WIPF2: variants seen among roughly 807,000 people sequenced by gnomAD.
The protein encoded by WIPF2 is WAS/WASL-interacting protein family member 2.
Under a neutral mutation model 38.8 loss-of-function variants are expected in WIPF2, and 23 were observed. That is an observed-to-expected ratio of 0.59 (90% CI 0.43 to 0.84). The LOEUF (loss-of-function observed/expected upper bound fraction) is 0.84, where lower values mean the gene tolerates loss of function less well. Among genes scored for constraint, WIPF2 ranks in the 40% least tolerant of loss-of-function variants. The pLI is 0.00. For missense variants in WIPF2, 574 were observed against 580.5 expected, an observed-to-expected ratio of 0.99 and a Z score of 0.11; for synonymous variants, 210 against 223.2, an observed-to-expected ratio of 0.94 and a Z score of 0.53.
intron 1 of WIPF2, among the ~76,000 whole-genome samples, chr17:40,254,533 T>C (rs1332452768): frequency 3.3e-5 from 5 of 152,110 alleles, no homozygotes; most frequent in Non-Finnish European, 1.5e-5. Context: ...CTGGTTTTAG[T>C]CTGATCTGTA....
Position 40,273,942 on chromosome 17 carries a change from C to A in WIPF2, c.1123C>A (p.Pro375Thr). 1.3e-6 allele frequency: 2 copies of A among 1,592,024 alleles called. No homozygotes were observed. Among genetic ancestry groups the A allele is most frequent in the Admixed American group, 1.7e-5 (1 of 57,516 alleles). ...GCCAGCTGGGCCACCCCCTCCTCCT[C>A]CACCGCCCCTGAGGAATGGCCACAG... The part of the protein sequence containing the change: ...RTPAGPPPPP[P>T]PPLRNGHRDS... Residue 375 changes from proline to threonine, a missense_variant, in exon 6 of 8, where the codon CCA becomes ACA. Pro to Thr is a conservative substitution (Grantham distance 38, BLOSUM62 -1). Coordinates refer to ENST00000323571, the MANE Select transcript of WIPF2 (RefSeq NM_133264.5).
intron 1 of WIPF2, among the ~76,000 whole-genome samples, chr17:40,238,366 C>T (rs919244496): frequency 2.0e-5 from 3 of 152,028 alleles, no homozygotes; most frequent in Admixed American, 6.6e-5. Context: ...TACAATGGCA[C>T]GATCTTGGCT....
At chr17:40,277,933 C>T (rs896480750) in intron 7 of WIPF2, among the ~76,000 whole-genome samples, 1 of 152,016 alleles carries the variant, frequency 6.6e-6, no homozygotes, top group African/African-American at 2.4e-5. Flanking sequence ...GCCTGGTTGG[C>T]CAGGCTGGTC....
intron 5 of WIPF2, among the ~76,000 whole-genome samples, chr17:40,266,898 T>C (rs2032106731): frequency 6.6e-6 from 1 of 152,142 alleles, no homozygotes; most frequent in African/African-American, 2.4e-5. Flanking sequence ...AGGCAGAGCA[T>C]ATAGGCTTAG....
intron 1 of WIPF2, among the ~76,000 whole-genome samples, chr17:40,238,409 T>C (rs1598473700): frequency 1.3e-5 from 2 of 151,936 alleles, no homozygotes; most frequent in East Asian, 3.9e-4. Flanking sequence ...GTTCAAGCAA[T>C]TCTCCTGTCT....
At chr17:40,221,396 A>G (rs994804867) in intron 1 of WIPF2, among the ~76,000 whole-genome samples, 20 of 152,016 alleles carry the variant, frequency 1.3e-4, no homozygotes, top group Admixed American at 2.0e-4. Context: ...TGGGATCTTT[A>G]AAGTGGTTGC....
chr17:40,256,567 T>C (rs2031737958), intron 2 of WIPF2, 45 bp downstream of exon 2: 3 of 1,558,316 alleles, frequency 1.9e-6, no homozygotes, highest in Non-Finnish European at 2.6e-6. Flanking sequence ...TTTGAGTAAA[T>C]AGGTTGATGG....
At chr17:40,261,035 T>TA (rs34087528) in intron 3 of WIPF2, among the ~76,000 whole-genome samples, 30,086 of 93,502 alleles carry the variant, frequency 0.32, 4,577 homozygotes, top group Non-Finnish European at 0.4. Context: ...CTCAAAAAGG[T>TA]AAAAAAAAAA....
At chr17:40,256,544 C>G in intron 2 of WIPF2, 22 bp downstream of exon 2, 1 of 1,594,232 alleles carries the variant, frequency 6.3e-7, no homozygotes, top group Non-Finnish European at 8.5e-7. Context: ...TTCCATTAGG[C>G]TATCTCAAAA....
At chr17:40,252,434 C>T (rs976512610) in intron 1 of WIPF2, among the ~76,000 whole-genome samples, 55 of 152,032 alleles carry the variant, frequency 3.6e-4, no homozygotes, top group African/African-American at 1.3e-3. Flanking sequence ...GTGGCCGAGG[C>T]GTGAGGATCA....
chr17:40,241,947 G>A (rs1421420179), intron 1 of WIPF2, among the ~76,000 whole-genome samples: 1 of 152,156 alleles, frequency 6.6e-6, no homozygotes, highest in African/African-American at 2.4e-5. Context: ...ACTTGTCTTA[G>A]CAGTGTTGCA....
At chr17:40,222,444 A>G (rs1432446249) in intron 1 of WIPF2, among the ~76,000 whole-genome samples, 1 of 150,552 alleles carries the variant, frequency 6.6e-6, no homozygotes, top group African/African-American at 2.4e-5. Context: ...ATCACCTGAG[A>G]TTGCAGTGAG....
intron 6 of WIPF2, among the ~76,000 whole-genome samples, chr17:40,275,648 C>T (rs561033472): frequency 2.6e-5 from 4 of 152,252 alleles, no homozygotes; most frequent in South Asian, 2.1e-4. Flanking sequence ...ACCGCAGTCT[C>T]GACCTCCCAG....
At position 40,283,607 on chromosome 17, in the gene WIPF2, G is replaced by A. The variant is rs2032598336; in HGVS notation, c.*5382G>A. Reference sequence around the variant, plus strand: ...GCCCACGATTTCAGGGAACCTAGGAGGCTTCCTGGCCTTGTGACCTTTTCC... The same window carrying A: ...GCCCACGATTTCAGGGAACCTAGGAAGCTTCCTGGCCTTGTGACCTTTTCC... On this transcript the variant is annotated 3_prime_UTR_variant, in exon 8 of 8. Transcript: ENST00000323571. The A allele has an allele frequency of 1.3e-5, 2 of 152,162 alleles. No individual in the cohort carries two copies. The highest frequency in any genetic ancestry group is 4.8e-5 in the African/African-American group (2 of 41,426). 9.4% of individuals were successfully genotyped at this position (152,162 alleles called of 1,614,324 possible).
chr17:40,269,135 A>C (rs1422473435), intron 5 of WIPF2, among the ~76,000 whole-genome samples: 2 of 152,170 alleles, frequency 1.3e-5, no homozygotes, highest in East Asian at 3.9e-4. Flanking sequence ...CCTGGCCAAC[A>C]TGGTGAAACC....
chr17:40,263,758 G>A (rs1324204024), intron 4 of WIPF2, among the ~76,000 whole-genome samples: 2 of 151,540 alleles, frequency 1.3e-5, no homozygotes, highest in Non-Finnish European at 1.5e-5. Flanking sequence ...GGCCAGGCTG[G>A]TCTCAAACTT....
chr17:40,277,487 C>G (rs2032436283), intron 7 of WIPF2, among the ~76,000 whole-genome samples: 1 of 152,086 alleles, frequency 6.6e-6, no homozygotes, highest in Non-Finnish European at 1.5e-5. Context: ...CAAGACCATC[C>G]TAGCTAACAC....
intron 1 of WIPF2, chr17:40,220,619 GTA>G (rs1334730875): frequency 1.2e-4 from 7 of 58,422 alleles, no homozygotes; most frequent in East Asian, 1.3e-3. Context: ...ATATATATAT[GTA>G]TATATATATA....
chr17:40,220,592 T>TATATAC (rs2072860795), intron 1 of WIPF2: 1 of 77,216 alleles, frequency 1.3e-5, no homozygotes, highest in Non-Finnish European at 2.4e-5. Flanking sequence ...TATATATATA[T>TATATAC]ATATATATAT....
Sources: allele counts gnomAD v4.1 joint callset (sites outside exome capture counted in the v4.1 genomes callset), GRCh38; gene constraint gnomAD v4.1.1; transcripts MANE v1.5; gene names NCBI Gene and HGNC (gene_info 2026-07-23, HGNC 2026-07-21).